The following TENM3 variants were observed in gnomAD, a reference collection of about 807,000 sequenced individuals.
TENM3 encodes teneurin transmembrane protein 3, also known as teneurin-3.
A neutral mutation model predicts 255.1 loss-of-function variants in TENM3; 63 were observed. That is an observed-to-expected ratio of 0.25 (90% CI 0.20 to 0.30). The LOEUF (loss-of-function observed/expected upper bound fraction) is 0.30, where lower values mean the gene tolerates loss of function less well. Ranked by LOEUF, TENM3 falls within the 10% of genes least tolerant of loss-of-function variation. The probability of loss-of-function intolerance (pLI) is 1.00; values close to 1 mark genes in which losing one functional copy is unlikely to be tolerated. For synonymous variants in TENM3, 1,306 were observed against 1,322.3 expected (o/e 0.99, Z 0.27); for missense variants, 2,929 against 3,461.1 (o/e 0.85, Z 3.86).
At chr4:182,222,064 T>A (rs920907337) in intron 1 of TENM3, among the ~76,000 whole-genome samples, 1 of 152,208 alleles carries the variant, frequency 6.6e-6, no homozygotes, top group Non-Finnish European at 1.5e-5. Flanking sequence ...TCAACCTCCA[T>A]CAGCGATTCC....
intron 1 of TENM3, among the ~76,000 whole-genome samples, chr4:182,276,395 T>C (rs1760004490): frequency 6.6e-6 from 1 of 152,180 alleles, no homozygotes; most frequent in Non-Finnish European, 1.5e-5. Context: ...CTTTAGGCCT[T>C]TCATTCTTCT....
chr4:182,081,336 A>T, the TENM3 span, among the ~76,000 whole-genome samples: 2 of 152,100 alleles, frequency 1.3e-5, no homozygotes, highest in African/African-American at 4.8e-5. Flanking sequence ...CTGTAATCCC[A>T]GCACTTTGGA....
At chr4:182,129,787 T>C in the TENM3 span, among the ~76,000 whole-genome samples, 2 of 152,144 alleles carry the variant, frequency 1.3e-5, no homozygotes, top group African/African-American at 4.8e-5. Flanking sequence ...CAATGTTCAA[T>C]TGCAGTGTTT....
chr4:182,109,372 A>G, the TENM3 span, among the ~76,000 whole-genome samples: 3 of 151,078 alleles, frequency 2.0e-5, no homozygotes, highest in Non-Finnish European at 4.4e-5. Flanking sequence ...ATTATATTAT[A>G]TAATTTATAT....
the TENM3 span, among the ~76,000 whole-genome samples, chr4:181,554,687 G>C: frequency 3.3e-5 from 5 of 152,178 alleles, no homozygotes; most frequent in East Asian, 9.6e-4. Flanking sequence ...GTGCCAATGA[G>C]AGGAGAATGT....
intron 1 of TENM3, among the ~76,000 whole-genome samples, chr4:182,171,239 A>G (rs1245620029): frequency 6.6e-6 from 1 of 152,222 alleles, no homozygotes; most frequent in Non-Finnish European, 1.5e-5. Flanking sequence ...TAAATTAAAA[A>G]GCATAATGTC....
At chr4:181,541,845 C>T in the TENM3 span, among the ~76,000 whole-genome samples, 1 of 152,272 alleles carries the variant, frequency 6.6e-6, no homozygotes, top group African/African-American at 2.4e-5. Context: ...GAATTTAGAC[C>T]TCCAGTTCTG....
intron 3 of TENM3, among the ~76,000 whole-genome samples, chr4:182,443,879 T>TA (rs1200473233): frequency 5.3e-5 from 8 of 152,208 alleles, no homozygotes; most frequent in Admixed American, 5.2e-4. Flanking sequence ...GAAAGAGCCC[T>TA]AAGTCTTCAT....
Position 182,524,002 on chromosome 4 carries a change from A to G in TENM3, c.512-76922A>G, listed in dbSNP as rs1364661972. Among the ~76,000 whole-genome samples, 4 of 152,028 alleles carry G rather than the reference A, an allele frequency of 2.6e-5. No individual in the cohort carries two copies. The East Asian group carries it at 7.7e-4, about 29-fold the overall frequency. ...TTTAGAGGGAAGAATTTTCCGTAGG[A>G]AAAAAAAGAGCTAGAAATCTGACAT... On this transcript the variant is annotated intron_variant, in intron 3 of 27. Transcript: ENST00000511685.
the TENM3 span, among the ~76,000 whole-genome samples, chr4:181,588,975 C>T: frequency 2.6e-5 from 4 of 152,224 alleles, no homozygotes; most frequent in Middle Eastern, 3.4e-3. Flanking sequence ...TAAAATTATC[C>T]TCCTTATTCC....
At chr4:181,857,980 A>G in the TENM3 span, among the ~76,000 whole-genome samples, 5 of 152,212 alleles carry the variant, frequency 3.3e-5, no homozygotes. Context: ...CATCACACTT[A>G]CAGCCAAAAC....
the TENM3 span, among the ~76,000 whole-genome samples, chr4:181,932,559 G>A: frequency 4.6e-5 from 7 of 152,216 alleles, no homozygotes; most frequent in South Asian, 2.1e-4. Context: ...CTTTAACACC[G>A]TTGGTGGGAG....
At chr4:181,462,101 C>T in the TENM3 span, among the ~76,000 whole-genome samples, 1 of 152,204 alleles carries the variant, frequency 6.6e-6, no homozygotes, top group Admixed American at 6.5e-5. Context: ...TGATCCAGGG[C>T]TAATTTAACC....
chr4:181,525,270 G>C, the TENM3 span, among the ~76,000 whole-genome samples: 1 of 151,896 alleles, frequency 6.6e-6, no homozygotes. Context: ...AATTAGCCAG[G>C]TGTGGTAGCA....
intron 12 of TENM3, among the ~76,000 whole-genome samples, chr4:182,696,065 A>T (rs1035172628): frequency 1.3e-5 from 2 of 152,206 alleles, no homozygotes; most frequent in Admixed American, 6.5e-5. Flanking sequence ...TGCAAATTTA[A>T]CATAAAACTC....
At chr4:181,847,042 G>T in the TENM3 span, among the ~76,000 whole-genome samples, 7,116 of 152,294 alleles carry the variant, frequency 0.047, 203 homozygotes, top group Non-Finnish European at 0.055. Context: ...GGTGGGGTTT[G>T]CAATGACCTT....
the TENM3 span, among the ~76,000 whole-genome samples, chr4:181,681,443 A>G: frequency 6.6e-6 from 1 of 152,216 alleles, no homozygotes; most frequent in South Asian, 2.1e-4. Context: ...AACTCTGAAA[A>G]GCCTTAGGGG....
chr4:181,909,577 A>C, the TENM3 span, among the ~76,000 whole-genome samples: 2 of 152,126 alleles, frequency 1.3e-5, no homozygotes, highest in Non-Finnish European at 2.9e-5. Context: ...TTGCCTCAGC[A>C]CAGCTGGGGA....
the TENM3 span, among the ~76,000 whole-genome samples, chr4:181,838,420 T>G: frequency 6.6e-6 from 1 of 152,216 alleles, no homozygotes; most frequent in African/African-American, 2.4e-5. Flanking sequence ...TTTGGGCATC[T>G]GGAATTTGCT....
Sources: gnomAD v4.1 joint callset for allele counts (sites outside exome capture counted in the v4.1 genomes callset) on GRCh38, gnomAD v4.1.1 for gene constraint, MANE v1.5 for transcripts, NCBI Gene and HGNC (gene_info 2026-07-23, HGNC 2026-07-21) for gene names.